Variants in TTLL1 observed in about 807,000 individuals in gnomAD.
TTLL1 encodes TTL family tubulin polyglutamylase complex subunit L1, also known as polyglutamylase complex subunit TTLL1.
TTLL1 carries 33 observed loss-of-function variants against 47.8 expected under a neutral mutation model. The ratio of observed to expected loss-of-function variants is 0.69; its 90% confidence interval spans 0.52 to 0.92. The LOEUF (loss-of-function observed/expected upper bound fraction) is 0.92, where lower values mean the gene tolerates loss of function less well. Among genes scored for constraint, TTLL1 ranks in the 40% least tolerant of loss-of-function variants. The pLI is 0.00. For synonymous variants in TTLL1, 225 were observed against 214.1 expected, an observed-to-expected ratio of 1.05 and a Z score of -0.45; for missense variants, 488 against 547.5, an observed-to-expected ratio of 0.89 and a Z score of 1.08.
intron 1 of TTLL1, among the ~76,000 whole-genome samples, chr22:43,080,902 C>CTT (rs10529079): frequency 0.015 from 1,019 of 69,206 alleles, 183 homozygotes; most frequent in Non-Finnish European, 0.017. Context: ...TGTTGCATGA[C>CTT]TTTTTTTTTT....
intron 7 of TTLL1, among the ~76,000 whole-genome samples, chr22:43,061,321 G>A (rs557442258): frequency 3.3e-5 from 5 of 152,220 alleles, no homozygotes; most frequent in East Asian, 1.9e-4. Flanking sequence ...ACTTGGCCCC[G>A]GTAAGCAGTG....
intron 3 of TTLL1, among the ~76,000 whole-genome samples, chr22:43,074,039 G>T (rs1217485963): frequency 6.6e-6 from 1 of 151,254 alleles, no homozygotes; most frequent in Non-Finnish European, 1.5e-5. Flanking sequence ...GGTCATGCTG[G>T]TCTCCAACTC....
chr22:43,074,596 T>C (rs1426070100), intron 3 of TTLL1, among the ~76,000 whole-genome samples: 1 of 152,072 alleles, frequency 6.6e-6, no homozygotes, highest in African/African-American at 2.4e-5. Context: ...ATCCCAACAC[T>C]TTGGGAGGCT....
At position 43,077,264 on chromosome 22, in the gene TTLL1, G is replaced by A. The variant is rs529010412; in HGVS notation, c.-4-1674C>T. On this transcript the variant is annotated intron_variant, in intron 2 of 10. Coordinates refer to ENST00000266254, the MANE Select transcript of TTLL1 (RefSeq NM_012263.5). ...CTGTTCTGCCACGCTGGGCTTCTCT[G>A]CCCACTCTCTCTCCTGCCACAGGCC... Among the ~76,000 whole-genome samples the A allele has an allele frequency of 3.2e-4, 48 of 152,164 alleles. 1 individual carries two copies. The East Asian group carries it at 8.7e-3, about 28-fold the overall frequency.
At chr22:43,046,722 T>G (rs1265404722) in intron 9 of TTLL1, 149 bp from the exon 10 acceptor site, 1 of 892,538 alleles carries the variant, frequency 1.1e-6, no homozygotes, top group South Asian at 1.8e-5. Context: ...CAGGCTGGAG[T>G]GCAGTGGCGC....
intron 1 of TTLL1, among the ~76,000 whole-genome samples, chr22:43,080,951 C>A (rs995713166): frequency 4.4e-5 from 5 of 112,798 alleles, no homozygotes; most frequent in Non-Finnish European, 8.5e-5. Context: ...AAGTCTCGCT[C>A]TGTCACCCAG....
chr22:43,052,232 T>C (rs1926691000), intron 8 of TTLL1: 1 of 329,568 alleles, frequency 3.0e-6, no homozygotes, highest in Admixed American at 3.8e-5. Flanking sequence ...AGTGAAGGTC[T>C]GTGCAGCCTT....
intron 5 of TTLL1, among the ~76,000 whole-genome samples, chr22:43,068,177 C>T (rs1166473641): frequency 6.6e-6 from 1 of 150,908 alleles, no homozygotes; most frequent in Non-Finnish European, 1.5e-5. Flanking sequence ...ATTAGCTGGG[C>T]GTGGTGACGC....
intron 10 of TTLL1, among the ~76,000 whole-genome samples, chr22:43,043,195 C>A (rs1271439785): frequency 6.6e-6 from 1 of 151,972 alleles, no homozygotes; most frequent in Non-Finnish European, 1.5e-5. Context: ...CCTGCCTTGG[C>A]CTCCCAAAGT....
chr22:43,045,006 G>A (rs566876872), intron 10 of TTLL1, among the ~76,000 whole-genome samples: 1 of 152,162 alleles, frequency 6.6e-6, no homozygotes, highest in South Asian at 2.1e-4. Context: ...GACATTACAA[G>A]CGCGCACTAC....
At chr22:43,081,676 T>G (rs546510027) in intron 1 of TTLL1, among the ~76,000 whole-genome samples, 2 of 150,256 alleles carry the variant, frequency 1.3e-5, no homozygotes, top group South Asian at 4.3e-4. Flanking sequence ...GCCTCCCAAG[T>G]AGCTGGGACT....
At chr22:43,049,791 G>GA (rs60752792) in intron 9 of TTLL1, among the ~76,000 whole-genome samples, 31 of 143,248 alleles carry the variant, frequency 2.2e-4, no homozygotes, top group South Asian at 6.5e-4. Flanking sequence ...AAAAAGAAAA[G>GA]AAAAAAAAAA....
chr22:43,049,147 G>A (rs1199808003), intron 9 of TTLL1, among the ~76,000 whole-genome samples: 1 of 147,786 alleles, frequency 6.8e-6, no homozygotes, highest in East Asian at 2.0e-4. Context: ...AAAAAAAAAA[G>A]GCTGGGAGCA....
intron 1 of TTLL1, among the ~76,000 whole-genome samples, chr22:43,087,793 G>A (rs1443478517): frequency 2.2e-5 from 3 of 135,982 alleles, no homozygotes; most frequent in East Asian, 2.3e-4. Flanking sequence ...AGCCAAGATC[G>A]CACCACTGCA....
At chr22:43,063,609 C>T (rs535535621) in intron 7 of TTLL1, among the ~76,000 whole-genome samples, 2 of 152,028 alleles carry the variant, frequency 1.3e-5, no homozygotes, top group East Asian at 1.9e-4. Flanking sequence ...GAATTACAGG[C>T]GCCAGCCACC....
intron 7 of TTLL1, among the ~76,000 whole-genome samples, chr22:43,061,067 G>C (rs2146972614): frequency 6.6e-6 from 1 of 152,196 alleles, no homozygotes; most frequent in South Asian, 2.1e-4. Flanking sequence ...GCGTGCACCT[G>C]TAACCCCAGT....
intron 1 of TTLL1, among the ~76,000 whole-genome samples, chr22:43,081,019 G>A (rs1361629332): frequency 6.8e-6 from 1 of 146,432 alleles, no homozygotes; most frequent in African/African-American, 2.5e-5. Flanking sequence ...GGGCTCAAGC[G>A]ATTCTTCTGC....
intron 5 of TTLL1, among the ~76,000 whole-genome samples, chr22:43,065,126 T>C (rs1040903154): frequency 6.6e-6 from 1 of 151,232 alleles, no homozygotes; most frequent in Non-Finnish European, 1.5e-5. Flanking sequence ...GCCTGGGCAA[T>C]AGAGCAAGAC....
intron 9 of TTLL1, among the ~76,000 whole-genome samples, chr22:43,049,063 G>A (rs1472511324): frequency 6.6e-6 from 1 of 151,196 alleles, no homozygotes; most frequent in Non-Finnish European, 1.5e-5. Flanking sequence ...GGGCTCAAGA[G>A]AAGCCCAAAG....
Sources: allele counts gnomAD v4.1 joint callset (sites outside exome capture counted in the v4.1 genomes callset), GRCh38; gene constraint gnomAD v4.1.1; transcripts MANE v1.5; gene names NCBI Gene and HGNC (gene_info 2026-07-23, HGNC 2026-07-21).